CYP2C18: variants seen among roughly 807,000 people sequenced by gnomAD.
The protein encoded by CYP2C18 is cytochrome P450 family 2 subfamily C member 18, also known as cytochrome P450 2C18.
A neutral mutation model predicts 41.3 loss-of-function variants in CYP2C18; 38 were observed. The observed-to-expected ratio is 0.92, with a 90% CI of 0.71 to 1.21. The LOEUF (loss-of-function observed/expected upper bound fraction) is 1.21. Among genes scored for constraint, CYP2C18 ranks in the 50% most tolerant of loss-of-function variants. The pLI is 0.00. For synonymous variants in CYP2C18, 236 were observed against 210.0 expected (o/e 1.12, Z -1.07); for missense variants, 635 against 591.4 (o/e 1.07, Z -0.77).
At chr10:94,708,682 C>T (rs761932557) in intron 5 of CYP2C18, among the ~76,000 whole-genome samples, 3 of 152,196 alleles carry the variant, frequency 2.0e-5, no homozygotes, top group African/African-American at 4.8e-5. Flanking sequence ...CCACCACAAC[C>T]AATTTCAGAA....
At chr10:94,691,004 G>A (rs189478913) in intron 3 of CYP2C18, among the ~76,000 whole-genome samples, 3 of 152,102 alleles carry the variant, frequency 2.0e-5, no homozygotes, top group East Asian at 1.9e-4. Flanking sequence ...AATAAATTAG[G>A]TATTGATAGG....
chr10:94,706,318 T>A (rs1374424358), intron 4 of CYP2C18, among the ~76,000 whole-genome samples: 2 of 152,160 alleles, frequency 1.3e-5, no homozygotes, highest in African/African-American at 2.4e-5. Context: ...TTATGGTATC[T>A]TTGTACCCCT....
intron 6 of CYP2C18, among the ~76,000 whole-genome samples, chr10:94,723,293 A>G (rs1445794887): frequency 6.6e-6 from 1 of 152,128 alleles, no homozygotes; most frequent in Non-Finnish European, 1.5e-5. Context: ...ATGTAGGAGG[A>G]TGGAAGTGTC....
chr10:94,684,307 T>C (rs1156847976), intron 1 of CYP2C18, among the ~76,000 whole-genome samples: 1 of 152,168 alleles, frequency 6.6e-6, no homozygotes, highest in Non-Finnish European at 1.5e-5. Context: ...TCCTCCTATC[T>C]AAGTGTAACT....
At chr10:94,710,077 C>A (rs1410853177) in intron 5 of CYP2C18, among the ~76,000 whole-genome samples, 3 of 152,050 alleles carry the variant, frequency 2.0e-5, no homozygotes, top group African/African-American at 7.2e-5. Context: ...TCAGGTGATT[C>A]TCCCACCTCA....
chr10:94,728,112 CCTT>C (rs1261118760), intron 7 of CYP2C18, among the ~76,000 whole-genome samples: 1 of 152,010 alleles, frequency 6.6e-6, no homozygotes, highest in Non-Finnish European at 1.5e-5. Flanking sequence ...TTTTGTTAAT[CCTT>C]CTTCATCACG....
intron 5 of CYP2C18, among the ~76,000 whole-genome samples, chr10:94,712,008 A>ATTTTTTTTTTTTTTGTTTTTTTTTTTT (rs1847444491): frequency 1.0e-5 from 1 of 97,874 alleles, no homozygotes; most frequent in African/African-American, 4.3e-5. Flanking sequence ...TGCCCAACTA[A>ATTTTTTTTTTTTTTGTTTTTTTTTTTT]TTTTTTTTTT....
At chr10:94,692,939 C>A (rs970028223) in intron 3 of CYP2C18, among the ~76,000 whole-genome samples, 5 of 151,858 alleles carry the variant, frequency 3.3e-5, no homozygotes, top group Non-Finnish European at 7.4e-5. Flanking sequence ...CACATGTTCT[C>A]ACTCATAGGT....
intron 4 of CYP2C18, among the ~76,000 whole-genome samples, chr10:94,698,811 C>T (rs760044690): frequency 1.3e-5 from 2 of 152,102 alleles, no homozygotes; most frequent in Non-Finnish European, 2.9e-5. Flanking sequence ...CCACCAATCC[C>T]ACAGAAACAC....
At chr10:94,724,322 C>T (rs770558307) in intron 6 of CYP2C18, 24 bp from the exon 7 acceptor site, 5 of 1,611,812 alleles carry the variant, frequency 3.1e-6, no homozygotes, top group South Asian at 1.1e-5. Context: ...CCTTTTCCAT[C>T]ATTTCTTACT....
At chr10:94,729,680 T>A (rs753496871) in intron 7 of CYP2C18, among the ~76,000 whole-genome samples, 2 of 152,106 alleles carry the variant, frequency 1.3e-5, no homozygotes, top group Non-Finnish European at 2.9e-5. Context: ...AAACTAGGTG[T>A]CCAGTGGCTA....
intron 8 of CYP2C18, among the ~76,000 whole-genome samples, chr10:94,734,593 T>G (rs1174859399): frequency 6.6e-6 from 1 of 152,086 alleles, no homozygotes. Flanking sequence ...AGTAGAGCTT[T>G]TTAGGCAGAT....
intron 7 of CYP2C18, 147 bp downstream of exon 7, chr10:94,724,680 G>A: frequency 1.3e-6 from 1 of 755,322 alleles, no homozygotes; most frequent in Non-Finnish European, 2.2e-6. Context: ...TTCCATTCCA[G>A]TTTGGGCCTA....
intron 7 of CYP2C18, among the ~76,000 whole-genome samples, chr10:94,727,964 A>T (rs1847771594): frequency 1.3e-5 from 2 of 152,142 alleles, no homozygotes; most frequent in African/African-American, 4.8e-5. Context: ...CACTCAAGGA[A>T]TTATTATCAA....
chr10:94,729,738 A>T (rs551409137), intron 7 of CYP2C18, among the ~76,000 whole-genome samples: 2 of 152,300 alleles, frequency 1.3e-5, no homozygotes, highest in South Asian at 4.1e-4. Context: ...AGCATGACCC[A>T]GAATCTCAAA....
chr10:94,716,623 C>T (rs1345650330), intron 5 of CYP2C18, among the ~76,000 whole-genome samples: 4 of 151,906 alleles, frequency 2.6e-5, no homozygotes, highest in South Asian at 2.1e-4. Flanking sequence ...TTTTGGAATA[C>T]GTGCGATATG....
chr10:94,721,043 T>G (rs1847637360), intron 6 of CYP2C18, among the ~76,000 whole-genome samples: 1 of 151,910 alleles, frequency 6.6e-6, no homozygotes, highest in South Asian at 2.1e-4. Context: ...AGACAGAGTC[T>G]CACTGTGTCA....
Position 94,700,022 on chromosome 10 carries a change from G to T in CYP2C18, c.642+4945G>T, listed in dbSNP as rs371130375. Among the ~76,000 whole-genome samples, 28 of 152,264 alleles carry T rather than the reference G, an allele frequency of 1.8e-4. No individual in the cohort carries two copies. The East Asian group carries it at 3.1e-3, about 17-fold the overall frequency. On this transcript the variant is annotated intron_variant, in intron 4 of 8. Coordinates refer to ENST00000285979, the MANE Select transcript of CYP2C18 (RefSeq NM_000772.3). ...AACATTTCTTGCTCATGGGTAGGAA[G>T]AATCAATATCATGAAGACGGCCATA...
Position 94,712,008 on chromosome 10 carries a change from A to ATTTTTTTTTTTTTTTTTTTTTTTT in CYP2C18, c.819+5068_819+5069insTTTTTTTTTTTTTTTTTTTTTTTT, listed in dbSNP as rs35672164. ...AGGTGCATGCCACCATGCCCAACTAATTTTTTTTTTTTTTTTTTTTGTAGA... is the reference window on the plus strand; with the variant it reads ...AGGTGCATGCCACCATGCCCAACTAATTTTTTTTTTTTTTTTTTTTTTTTTTTTTTTTTTTTTTTTTTTTGTAGA... On this transcript the variant is annotated intron_variant, in intron 5 of 8. Coordinates refer to ENST00000285979, the MANE Select transcript of CYP2C18 (RefSeq NM_000772.3). Among the ~76,000 whole-genome samples the ATTTTTTTTTTTTTTTTTTTTTTTT allele has an allele frequency of 7.3e-4, 71 of 97,858 alleles. 3 individuals are homozygous for ATTTTTTTTTTTTTTTTTTTTTTTT. The highest frequency in any genetic ancestry group is 2.5e-3 in the South Asian group (6 of 2,372). The allele number at this position is 97,858 out of a possible 152,430, so 64.2% of individuals were successfully genotyped here. A position where few individuals can be genotyped will look rare whatever the true frequency, so the allele number is the denominator to read the frequency against.
Sources: gnomAD v4.1 joint callset for allele counts (sites outside exome capture counted in the v4.1 genomes callset) on GRCh38, gnomAD v4.1.1 for gene constraint, MANE v1.5 for transcripts, NCBI Gene and HGNC (gene_info 2026-07-23, HGNC 2026-07-21) for gene names.